The following MPP7 variants were observed in gnomAD, a reference collection of about 807,000 sequenced individuals.
MPP7 encodes MAGUK p55 scaffold protein 7, also known as MAGUK p55 subfamily member 7.
Under a neutral mutation model 76.5 loss-of-function variants are expected in MPP7, and 60 were observed. The ratio of observed to expected loss-of-function variants is 0.78; its 90% CI spans 0.64 to 0.97. The LOEUF (loss-of-function observed/expected upper bound fraction) is 0.97, where lower values mean the gene tolerates loss of function less well. MPP7 is among the 50% of genes least tolerant of loss of function. The pLI, the probability that MPP7 is intolerant of heterozygous loss-of-function variation, is 0.00. For synonymous variants in MPP7, 237 were observed against 244.5 expected, an observed-to-expected ratio of 0.97 and a Z score of 0.29; for missense variants, 641 against 694.0, an observed-to-expected ratio of 0.92 and a Z score of 0.86.
chr10:28,103,050 C>G (rs75177557), intron 11 of MPP7, among the ~76,000 whole-genome samples: 12,421 of 152,302 alleles, frequency 0.082, 936 homozygotes, highest in African/African-American at 0.19. Context: ...TCTGGTCACT[C>G]TGGTCTCTTG....
At chr10:28,265,658 T>A (rs1291243849) in intron 1 of MPP7, among the ~76,000 whole-genome samples, 1 of 152,182 alleles carries the variant, frequency 6.6e-6, no homozygotes, top group East Asian at 1.9e-4. Context: ...GTCTATAAAT[T>A]ATTCAGTGTT....
intron 1 of MPP7, among the ~76,000 whole-genome samples, chr10:28,289,959 T>C (rs1427965807): frequency 6.6e-6 from 1 of 152,126 alleles, no homozygotes; most frequent in East Asian, 1.9e-4. Flanking sequence ...GCTGGGACCA[T>C]AGGCATGTGC....
At chr10:28,158,310 C>T (rs1818393420) in intron 3 of MPP7, among the ~76,000 whole-genome samples, 2 of 152,138 alleles carry the variant, frequency 1.3e-5, no homozygotes, top group South Asian at 4.1e-4. Flanking sequence ...CTATCTGCCA[C>T]TTCCCAGAAT....
rs778962747 is a variant in MPP7 at position 28,069,833 on chromosome 10, C to A, written c.1143G>T (p.Leu381=). ...TCAGCAGCTTTCGTTTCAGTTCATT[C>A]AGCCCTACTCCCACGGGACCTGAAA... is the stretch of plus-strand genomic sequence containing the variant. ...VVLVGPVGVG[L]NELKRKLLIS... is the part of the protein sequence containing the mutation. Residue 381 remains leucine (L), a synonymous_variant, in exon 13 of 17, where the codon CTG becomes CTT. Coordinates refer to ENST00000683449, the MANE Select transcript of MPP7 (RefSeq NM_001318170.2). 3 of 1,613,748 alleles carry A rather than the reference C, an allele frequency of 1.9e-6. No individual in the cohort carries two copies. The African/African-American group carries it at 4.0e-5, about 22-fold the overall frequency.
At chr10:28,269,291 T>C (rs1043635985) in intron 1 of MPP7, among the ~76,000 whole-genome samples, 2 of 152,180 alleles carry the variant, frequency 1.3e-5, no homozygotes, top group Non-Finnish European at 2.9e-5. Flanking sequence ...AATGCCCAGA[T>C]AGTGATGACA....
At chr10:28,089,951 T>C in intron 11 of MPP7, 110 bp from the exon 12 acceptor site, 1 of 651,850 alleles carries the variant, frequency 1.5e-6, no homozygotes, top group Non-Finnish European at 2.5e-6. Flanking sequence ...TAATATTGGG[T>C]TTTTAAAGTT....
chr10:28,272,883 C>T (rs539030619), intron 1 of MPP7, among the ~76,000 whole-genome samples: 1 of 151,662 alleles, frequency 6.6e-6, no homozygotes, highest in South Asian at 2.1e-4. Context: ...TTATTATAGA[C>T]CAAGTAAAAC....
At chr10:28,133,271 C>A (rs1183403524) in intron 5 of MPP7, among the ~76,000 whole-genome samples, 1 of 152,134 alleles carries the variant, frequency 6.6e-6, no homozygotes, top group Non-Finnish European at 1.5e-5. Flanking sequence ...CATAACTACC[C>A]CTTAATAGCC....
At chr10:28,094,643 CG>C (rs1256228728) in intron 11 of MPP7, among the ~76,000 whole-genome samples, 1 of 151,872 alleles carries the variant, frequency 6.6e-6, no homozygotes, top group African/African-American at 2.4e-5. Context: ...TAAAAAAAAG[CG>C]GGGTGAGGAG....
chr10:28,274,887 T>C (rs1840443621), intron 1 of MPP7, among the ~76,000 whole-genome samples: 1 of 152,236 alleles, frequency 6.6e-6, no homozygotes, highest in Non-Finnish European at 1.5e-5. Context: ...TCACATTTAA[T>C]TTGCTTTAGT....
chr10:28,252,477 C>T (rs1839645551), intron 1 of MPP7, among the ~76,000 whole-genome samples: 1 of 152,164 alleles, frequency 6.6e-6, no homozygotes, highest in Admixed American at 6.5e-5. Context: ...ATTTATTTAG[C>T]TTTCTGTGAA....
At chr10:28,080,718 G>A (rs924138789) in intron 12 of MPP7, among the ~76,000 whole-genome samples, 2 of 152,074 alleles carry the variant, frequency 1.3e-5, no homozygotes, top group East Asian at 3.9e-4. Context: ...ATTGGCCAAC[G>A]GCATAAAAAG....
intron 2 of MPP7, among the ~76,000 whole-genome samples, chr10:28,222,662 C>G (rs527877941): frequency 1.3e-5 from 2 of 152,022 alleles, no homozygotes; most frequent in East Asian, 3.9e-4. Flanking sequence ...ACCACCCTGG[C>G]TAACATGGTG....
rs892009239 is a variant in MPP7 at position 28,063,792 on chromosome 10, T to C, written c.1205-4049A>G. Among the ~76,000 whole-genome samples, 4 of 152,144 alleles carry C rather than the reference T, an allele frequency of 2.6e-5. No individual in the cohort carries two copies. The South Asian group carries it at 8.3e-4, about 32-fold the overall frequency. On this transcript the variant is annotated intron_variant, in intron 13 of 16. Coordinates refer to ENST00000683449, the MANE Select transcript of MPP7 (RefSeq NM_001318170.2). ...TGCCCTGTCTGTGGAAAAACTGTCTTCTGTGGTTCTGTGAAACTGGTCCCT... is the reference window on the plus strand; with the variant it reads ...TGCCCTGTCTGTGGAAAAACTGTCTCCTGTGGTTCTGTGAAACTGGTCCCT...
At chr10:28,229,717 G>A (rs1408970309) in intron 2 of MPP7, among the ~76,000 whole-genome samples, 8 of 152,000 alleles carry the variant, frequency 5.3e-5, no homozygotes, top group African/African-American at 1.4e-4. Context: ...GTGAAACCCC[G>A]TCTCTACTAA....
At chr10:28,145,745 A>G (rs1383406223) in intron 5 of MPP7, among the ~76,000 whole-genome samples, 2 of 152,164 alleles carry the variant, frequency 1.3e-5, no homozygotes, top group African/African-American at 2.4e-5. Context: ...CTTTCATGCT[A>G]ACTTTACACA....
chr10:28,219,698 G>A (rs908967472), intron 2 of MPP7, among the ~76,000 whole-genome samples: 1 of 152,128 alleles, frequency 6.6e-6, no homozygotes, highest in African/African-American at 2.4e-5. Context: ...ATTCTGTGCA[G>A]TATGGTCAGG....
chr10:28,064,612 T>C (rs1245113293), intron 13 of MPP7, among the ~76,000 whole-genome samples: 5 of 152,182 alleles, frequency 3.3e-5, no homozygotes, highest in African/African-American at 1.2e-4. Flanking sequence ...CTTGATGTTA[T>C]AAAAAAGAAT....
intron 16 of MPP7, 140 bp downstream of exon 16, chr10:28,056,340 G>A (rs1344550226): frequency 1.2e-6 from 1 of 812,866 alleles, no homozygotes; most frequent in Non-Finnish European, 1.9e-6. Context: ...CATATTTTTT[G>A]TAGAGATGGG....
Sources: allele counts gnomAD v4.1 joint callset (sites outside exome capture counted in the v4.1 genomes callset), GRCh38; gene constraint gnomAD v4.1.1; transcripts MANE v1.5; gene names NCBI Gene and HGNC (gene_info 2026-07-23, HGNC 2026-07-21).